Variants in SH2D1B observed in about 807,000 individuals in gnomAD.
The protein encoded by SH2D1B is SH2 domain-containing protein 1B.
Under a neutral mutation model 16.3 loss-of-function variants are expected in SH2D1B, and 11 were observed. The ratio of observed to expected loss-of-function variants is 0.67; its 90% CI spans 0.42 to 1.11. SH2D1B has a LOEUF of 1.11. SH2D1B is among the 50% of genes most tolerant of loss of function. The pLI is 0.00. For synonymous variants in SH2D1B, 55 were observed against 56.1 expected, an observed-to-expected ratio of 0.98 and a Z score of 0.09; for missense variants, 123 against 153.1, an observed-to-expected ratio of 0.80 and a Z score of 1.04.
chr1:162,401,770 A>C (rs1222580453), intron 2 of SH2D1B, among the ~76,000 whole-genome samples: 1 of 152,174 alleles, frequency 6.6e-6, no homozygotes, highest in African/African-American at 2.4e-5. Flanking sequence ...GGATCATTTT[A>C]TATTCTAGTC....
At chr1:162,406,644 C>A (rs191179904) in intron 1 of SH2D1B, among the ~76,000 whole-genome samples, 1 of 152,200 alleles carries the variant, frequency 6.6e-6, no homozygotes, top group African/African-American at 2.4e-5. Context: ...TAAACCACCA[C>A]AACAAAATGG....
intron 2 of SH2D1B, among the ~76,000 whole-genome samples, chr1:162,399,501 CA>C (rs2101857805): frequency 6.6e-6 from 1 of 152,218 alleles, no homozygotes; most frequent in Non-Finnish European, 1.5e-5. Flanking sequence ...AAAAAAATTC[CA>C]ACTGTTATTT....
intron 1 of SH2D1B, among the ~76,000 whole-genome samples, chr1:162,404,750 C>G (rs1490992541): frequency 6.6e-6 from 1 of 152,182 alleles, no homozygotes; most frequent in African/African-American, 2.4e-5. Flanking sequence ...CAATGAGATA[C>G]CACTACACAC....
In SH2D1B at chr1:162,411,949, C is replaced by T. The variant is rs867051985; in HGVS notation, c.68G>A (p.Gly23Glu). The T allele has an allele frequency of 3.1e-6, 5 of 1,614,180 alleles. No individual in the cohort carries two copies. Among genetic ancestry groups the T allele is most frequent in the Non-Finnish European group, 4.2e-6 (5 of 1,180,040 alleles). Residue 23 changes from glycine to glutamate, a missense_variant, in exon 1 of 4, where the codon GGG (glycine) becomes GAG (glutamate). Physicochemically the swap from Gly to Glu is moderately conservative, Grantham distance 98. Coordinates refer to ENST00000367929, the MANE Select transcript of SH2D1B (RefSeq NM_053282.5). ...QDCETLLLKEGVDGNFLLRDS... is the reference protein window; with the variant it reads ...QDCETLLLKEEVDGNFLLRDS... ...TCTTAAAAGAAAGTTGCCATCCACCCCTTCCTTGAGCAGCAAGGTCTCACA... is the reference window on the plus strand; with the variant it reads ...TCTTAAAAGAAAGTTGCCATCCACCTCTTCCTTGAGCAGCAAGGTCTCACA...
At position 162,403,701 on chromosome 1, in the gene SH2D1B, T is replaced by TACACAC. The variant is rs57093863; in HGVS notation, c.135-905_135-900dup. Among the ~76,000 whole-genome samples the TACACAC allele has an allele frequency of 2.8e-3, 368 of 132,322 alleles. 2 individuals carry two copies. The highest frequency in any genetic ancestry group is 9.3e-3 in the African/African-American group (313 of 33,482). The allele number at this position is 132,322 out of a possible 152,430, so 86.8% of individuals were successfully genotyped here. A position where few individuals can be genotyped will look rare whatever the true frequency, so the allele number is the denominator to read the frequency against. On this transcript the variant is annotated intron_variant, in intron 1 of 3. Transcript: ENST00000367929. ...TGATTAATAGATGAATGAAGAAAGT[T>TACACAC]ACACACACACACACACACACACACA...
At chr1:162,410,243 C>A (rs1648761340) in intron 1 of SH2D1B, among the ~76,000 whole-genome samples, 2 of 152,190 alleles carry the variant, frequency 1.3e-5, no homozygotes, top group African/African-American at 2.4e-5. Flanking sequence ...CACTTTACCC[C>A]TGATGTTTCC....
intron 2 of SH2D1B, among the ~76,000 whole-genome samples, chr1:162,401,142 C>G (rs887222401): frequency 2.6e-5 from 4 of 152,152 alleles, no homozygotes; most frequent in Non-Finnish European, 5.9e-5. Context: ...AAGGAGGTTC[C>G]TTTAATGCAG....
intron 1 of SH2D1B, among the ~76,000 whole-genome samples, chr1:162,407,615 T>A (rs1325444635): frequency 1.3e-5 from 2 of 152,224 alleles, no homozygotes; most frequent in Non-Finnish European, 2.9e-5. Flanking sequence ...CATGGTAACT[T>A]TTTCTGTGTC....
chr1:162,409,231 C>T (rs1486544365), intron 1 of SH2D1B, among the ~76,000 whole-genome samples: 1 of 152,116 alleles, frequency 6.6e-6, no homozygotes, highest in African/African-American at 2.4e-5. Flanking sequence ...TGCCCCAGCA[C>T]AACTAGCTCT....
At chr1:162,410,646 TTTTC>T (rs1451941013) in intron 1 of SH2D1B, among the ~76,000 whole-genome samples, 1 of 145,298 alleles carries the variant, frequency 6.9e-6, no homozygotes, top group Non-Finnish European at 1.5e-5. Context: ...TGGAATTTGT[TTTTC>T]TTTTTCTTTT....
At chr1:162,405,635 A>T (rs1232821826) in intron 1 of SH2D1B, among the ~76,000 whole-genome samples, 1 of 152,196 alleles carries the variant, frequency 6.6e-6, no homozygotes, top group Non-Finnish European at 1.5e-5. Context: ...TCTGTGTGAG[A>T]CTGATACCCA....
rs1252569537 is a variant in SH2D1B, at chr1:162,411,914, A to G, written c.103T>C (p.Ser35Pro). Residue 35 changes from serine (S) to proline (P), a missense_variant, in exon 1 of 4, where the codon TCG (serine) becomes CCG (proline). By Grantham distance (74) the Ser-to-Pro change is moderately conservative. Coordinates refer to ENST00000367929, the MANE Select transcript of SH2D1B (RefSeq NM_053282.5). ...DGNFLLRDSESIPGVLCLCVS... is the reference protein window; with the variant it reads ...DGNFLLRDSEPIPGVLCLCVS... ...CAGAGGCACAGGACTCCTGGTATCG[A>G]CTCGCTGTCTCTTAAAAGAAAGTTG... 1 of 1,613,832 alleles carries G rather than the reference A, an allele frequency of 6.2e-7. No homozygotes were observed. The highest frequency in any genetic ancestry group is 2.2e-5 in the East Asian group (1 of 44,890).
chr1:162,404,487 T>A (rs1481671616), intron 1 of SH2D1B, among the ~76,000 whole-genome samples: 1 of 152,200 alleles, frequency 6.6e-6, no homozygotes, highest in Non-Finnish European at 1.5e-5. Flanking sequence ...GTATATATAT[T>A]TTAAAACATC....
intron 3 of SH2D1B, 137 bp from the exon 4 acceptor site, chr1:162,397,452 T>G: frequency 1.2e-6 from 1 of 841,436 alleles, no homozygotes; most frequent in South Asian, 1.6e-5. Flanking sequence ...GTTGTATCTT[T>G]AAAGGCTGGG....
intron 3 of SH2D1B, 131 bp downstream of exon 3, chr1:162,398,792 T>C: frequency 9.0e-7 from 1 of 1,112,526 alleles, no homozygotes; most frequent in East Asian, 2.5e-5. Context: ...TGGAAATTGC[T>C]CTTAGTAGGA....
chr1:162,406,287 T>A (rs1648652916), intron 1 of SH2D1B, among the ~76,000 whole-genome samples: 1 of 152,098 alleles, frequency 6.6e-6, no homozygotes, highest in Admixed American at 6.5e-5. Flanking sequence ...TTACACTGAG[T>A]CCACTGGACT....
At chr1:162,403,529 T>C (rs866652601) in intron 1 of SH2D1B, among the ~76,000 whole-genome samples, 2 of 97,126 alleles carry the variant, frequency 2.1e-5, no homozygotes, top group African/African-American at 3.3e-5. Context: ...TATATATATA[T>C]ATATATATAT....
At position 162,399,097 on chromosome 1, in the gene SH2D1B, T is replaced by C; in HGVS notation, c.199-10A>G. The C allele has an allele frequency of 1.3e-6, 2 of 1,597,280 alleles. No homozygotes were observed. Among genetic ancestry groups the C allele is most frequent in the African/African-American group, 1.3e-5 (1 of 74,290 alleles). ...GAGAACCTTCTGCAGTCTGCAAAAA[T>C]ACAAGAAAGGAAATCACTCATTATC... On this transcript the variant is annotated splice_polypyrimidine_tract_variant and intron_variant, in intron 2 of 3. Coordinates refer to ENST00000367929, the MANE Select transcript of SH2D1B (RefSeq NM_053282.5).
intron 2 of SH2D1B, chr1:162,402,384 G>C (rs1269872315): frequency 6.0e-6 from 1 of 167,720 alleles, no homozygotes. Context: ...GGTGGCGCGC[G>C]CCTGTAGTCC....
Sources: gnomAD v4.1 joint callset for allele counts (sites outside exome capture counted in the v4.1 genomes callset) on GRCh38, gnomAD v4.1.1 for gene constraint, MANE v1.5 for transcripts, NCBI Gene and HGNC (gene_info 2026-07-23, HGNC 2026-07-21) for gene names.